Variants in GUCY1A2 observed in about 807,000 individuals in gnomAD.
GUCY1A2 encodes guanylate cyclase 1 soluble subunit alpha 2, also known as guanylate cyclase soluble subunit alpha-2.
Under a neutral mutation model 63.5 loss-of-function variants are expected in GUCY1A2, and 27 were observed. The ratio of observed to expected loss-of-function variants is 0.43; its 90% CI spans 0.31 to 0.59. GUCY1A2 has a LOEUF of 0.59. GUCY1A2 is among the 20% of genes least tolerant of loss of function. The pLI, the probability that GUCY1A2 is intolerant of heterozygous loss-of-function variation, is 0.11. For missense variants in GUCY1A2, 768 were observed against 913.3 expected (o/e 0.84, Z 2.05); for synonymous variants, 364 against 343.5 (o/e 1.06, Z -0.66).
At chr11:106,996,250 A>G (rs1197783128) in intron 1 of GUCY1A2, among the ~76,000 whole-genome samples, 1 of 152,174 alleles carries the variant, frequency 6.6e-6, no homozygotes, top group Non-Finnish European at 1.5e-5. Context: ...CCATAGGAAA[A>G]AGAAGGGGAG....
At chr11:106,830,103 A>G (rs1472203138) in intron 4 of GUCY1A2, among the ~76,000 whole-genome samples, 4 of 152,204 alleles carry the variant, frequency 2.6e-5, no homozygotes, top group Non-Finnish European at 5.9e-5. Context: ...GCATGTATAC[A>G]CTTGTACTAA....
intron 4 of GUCY1A2, among the ~76,000 whole-genome samples, chr11:106,830,112 A>G (rs1409787875): frequency 6.6e-6 from 1 of 152,218 alleles, no homozygotes; most frequent in Non-Finnish European, 1.5e-5. Flanking sequence ...CACTTGTACT[A>G]AGAAAATATC....
chr11:106,915,085 T>C (rs1860352221), intron 4 of GUCY1A2, among the ~76,000 whole-genome samples: 2 of 152,152 alleles, frequency 1.3e-5, no homozygotes, highest in South Asian at 4.1e-4. Flanking sequence ...AGACCTGCCC[T>C]GCAGGAAATG....
chr11:106,794,616 T>C (rs67609203), intron 5 of GUCY1A2, among the ~76,000 whole-genome samples: 50,541 of 151,854 alleles, frequency 0.33, 8,471 homozygotes, highest in Middle Eastern at 0.39. Context: ...AATTGTCACA[T>C]TGTCAACCTT....
chr11:106,849,451 G>A (rs1859321698), intron 4 of GUCY1A2, among the ~76,000 whole-genome samples: 1 of 151,240 alleles, frequency 6.6e-6, no homozygotes, highest in Non-Finnish European at 1.5e-5. Flanking sequence ...AAGGTTCAAA[G>A]GAGGTAGCAA....
At chr11:106,693,628 C>T (rs1862665944) in intron 7 of GUCY1A2, among the ~76,000 whole-genome samples, 1 of 152,142 alleles carries the variant, frequency 6.6e-6, no homozygotes, top group East Asian at 1.9e-4. Context: ...AGACATTGAC[C>T]TGGTAAATTA....
At chr11:107,011,381 CAAA>C (rs1217945808) in intron 1 of GUCY1A2, among the ~76,000 whole-genome samples, 1 of 151,228 alleles carries the variant, frequency 6.6e-6, no homozygotes, top group Non-Finnish European at 1.5e-5. Context: ...AAAAGGTGAA[CAAA>C]AAGACTAATG....
intron 1 of GUCY1A2, among the ~76,000 whole-genome samples, chr11:107,004,064 C>A (rs1465769135): frequency 6.6e-6 from 1 of 152,124 alleles, no homozygotes; most frequent in African/African-American, 2.4e-5. Context: ...CAAGGCCCCT[C>A]TCCTCAGGCC....
At chr11:106,850,946 T>C (rs1323608075) in intron 4 of GUCY1A2, among the ~76,000 whole-genome samples, 1 of 151,934 alleles carries the variant, frequency 6.6e-6, no homozygotes, top group Non-Finnish European at 1.5e-5. Flanking sequence ...TGTACTAATT[T>C]ACATCCTACC....
chr11:106,979,962 G>A (rs1034510258), intron 2 of GUCY1A2, among the ~76,000 whole-genome samples: 4 of 152,182 alleles, frequency 2.6e-5, no homozygotes, highest in Admixed American at 6.5e-5. Flanking sequence ...GAAAAGGGGA[G>A]TGTTCCCTGC....
At chr11:106,799,476 C>A (rs9735242) in intron 5 of GUCY1A2, among the ~76,000 whole-genome samples, 2,011 of 152,280 alleles carry the variant, frequency 0.013, 44 homozygotes, top group African/African-American at 0.046. Context: ...CATCACACTA[C>A]CTGACTTCAA....
chr11:107,003,650 C>T (rs1050946621), intron 1 of GUCY1A2, among the ~76,000 whole-genome samples: 1 of 152,146 alleles, frequency 6.6e-6, no homozygotes, highest in South Asian at 2.1e-4. Flanking sequence ...TCTCACAGTC[C>T]AGAGCTAATC....
At chr11:106,738,873 G>A (rs1449040043) in intron 6 of GUCY1A2, among the ~76,000 whole-genome samples, 3 of 151,988 alleles carry the variant, frequency 2.0e-5, no homozygotes, top group African/African-American at 4.8e-5. Context: ...TTGGCTATAC[G>A]GGTTCTTTTT....
At chr11:107,011,156 G>A (rs375800605) in intron 1 of GUCY1A2, among the ~76,000 whole-genome samples, 1 of 152,176 alleles carries the variant, frequency 6.6e-6, no homozygotes, top group African/African-American at 2.4e-5. Context: ...GGCCTGTGAA[G>A]AAAGCCTGCT....
intron 5 of GUCY1A2, among the ~76,000 whole-genome samples, chr11:106,780,347 T>C (rs896869772): frequency 1.3e-5 from 2 of 152,188 alleles, no homozygotes; most frequent in Non-Finnish European, 2.9e-5. Context: ...AATGTTTTCA[T>C]AGGCTGGGTT....
At chr11:106,728,744 T>C (rs1424775087) in intron 6 of GUCY1A2, among the ~76,000 whole-genome samples, 1 of 152,180 alleles carries the variant, frequency 6.6e-6, no homozygotes, top group Non-Finnish European at 1.5e-5. Context: ...ATGACACTTA[T>C]CTGTTTGCAT....
At chr11:106,928,554 C>T (rs1860560545) in intron 4 of GUCY1A2, among the ~76,000 whole-genome samples, 1 of 151,512 alleles carries the variant, frequency 6.6e-6, no homozygotes. Context: ...TTGTATGATT[C>T]AAACATAAAT....
intron 6 of GUCY1A2, among the ~76,000 whole-genome samples, chr11:106,714,890 A>G (rs1297648869): frequency 6.6e-6 from 1 of 152,214 alleles, no homozygotes; most frequent in Admixed American, 6.5e-5. Context: ...CTAGCAACCT[A>G]TTAATCTTGG....
At chr11:106,979,897 T>C (rs779036895) in intron 2 of GUCY1A2, among the ~76,000 whole-genome samples, 13 of 147,872 alleles carry the variant, frequency 8.8e-5, no homozygotes, top group African/African-American at 7.3e-5. Flanking sequence ...GAGTGAGGAG[T>C]TGGCCTAGGA....
Sources: gnomAD v4.1 joint callset for allele counts (sites outside exome capture counted in the v4.1 genomes callset) on GRCh38, gnomAD v4.1.1 for gene constraint, MANE v1.5 for transcripts, NCBI Gene and HGNC (gene_info 2026-07-23, HGNC 2026-07-21) for gene names.